TCOF1: variants seen among roughly 807,000 people sequenced by gnomAD.
The protein encoded by TCOF1 is treacle protein.
In TCOF1, 33 loss-of-function variants were observed where a neutral mutation model predicts 149.0. That is an observed-to-expected ratio of 0.22 (90% CI 0.17 to 0.30). TCOF1 has a LOEUF of 0.30. TCOF1 is among the 10% of genes least tolerant of loss of function. The pLI is 1.00. For synonymous variants in TCOF1, 789 were observed against 738.8 expected (o/e 1.07, Z -1.10); for missense variants, 1,728 against 1,840.7 (o/e 0.94, Z 1.12).
chr5:150,379,884 C>T (rs1249340283), intron 17 of TCOF1, 152 bp downstream of exon 17: 1 of 907,452 alleles, frequency 1.1e-6, no homozygotes, highest in Non-Finnish European at 1.8e-6. Context: ...CCAGCCTGGC[C>T]AACATGGTGA....
chr5:150,371,558 G>A (rs746713323), intron 6 of TCOF1, among the ~76,000 whole-genome samples: 2 of 152,174 alleles, frequency 1.3e-5, no homozygotes, highest in South Asian at 2.1e-4. Flanking sequence ...GAAGGAATTT[G>A]CCCAAGGTGT....
At chr5:150,385,617 G>A (rs1240618672) in intron 17 of TCOF1, among the ~76,000 whole-genome samples, 3 of 152,150 alleles carry the variant, frequency 2.0e-5, no homozygotes, top group Non-Finnish European at 2.9e-5. Context: ...GCCAGGGTCC[G>A]CAGCCTAGGC....
At chr5:150,361,339 C>T (rs1431889891) in intron 2 of TCOF1, 128 bp downstream of exon 2, 1 of 1,042,748 alleles carries the variant, frequency 9.6e-7, no homozygotes. Context: ...ATTGTTGCCT[C>T]CAGAAAGCCA....
At chr5:150,389,304 C>A (rs1387141690) in intron 18 of TCOF1, among the ~76,000 whole-genome samples, 5 of 152,190 alleles carry the variant, frequency 3.3e-5, no homozygotes, top group Non-Finnish European at 7.3e-5. Flanking sequence ...ATCTAATGTT[C>A]AGTAACCTTC....
intron 17 of TCOF1, 183 bp downstream of exon 17, chr5:150,379,915 T>G: frequency 1.5e-6 from 1 of 677,026 alleles, no homozygotes; most frequent in East Asian, 3.2e-5. Flanking sequence ...CTACTAAAAA[T>G]ATAAAAATTA....
At chr5:150,396,892 C>T (rs541673018) in intron 24 of TCOF1, 50 bp downstream of exon 24, 31 of 1,552,340 alleles carry the variant, frequency 2.0e-5, no homozygotes, top group South Asian at 1.9e-4. Flanking sequence ...GGGCACCCCA[C>T]GGGGGCGGGA....
In TCOF1 at chr5:150,396,651, C is replaced by G. The variant is rs746357519; in HGVS notation, c.4154C>G (p.Thr1385Arg). Residue 1385 changes from threonine to arginine, a missense_variant, in exon 24 of 27, where the codon ACG (threonine) becomes AGG (arginine). Around this residue, in one of 2 missense-constraint regions of TCOF1, gnomAD observed 1,696 missense variants for 1,765.4 expected, o/e 0.96. Coordinates refer to ENST00000643257, the MANE Select transcript of TCOF1 (RefSeq NM_001371623.1). ...EASVSPEKTS[T>R]TSKGKAKRDK... ...TCTGTTTCCCCAGAAAAGACCTCCA[C>G]GACTTCCAAGGGGAAAGCAAAGAGA... 1 of 1,608,608 alleles carries G rather than the reference C, an allele frequency of 6.2e-7. No homozygotes were observed. Among genetic ancestry groups the G allele is most frequent in the South Asian group, 1.1e-5 (1 of 90,316 alleles).
Position 150,399,058 on chromosome 5 carries a change from G to C in TCOF1, c.*10G>C. On this transcript the variant is annotated 3_prime_UTR_variant, in exon 26 of 27. Coordinates refer to ENST00000643257, the MANE Select transcript of TCOF1 (RefSeq NM_001371623.1). ...AGAGCAGACTGTATGACGAGCACCA[G>C]CACCAGGCACAGGTACGCTTCCCAA... The C allele has an allele frequency of 6.2e-7, 1 of 1,614,240 alleles. No individual in the cohort carries two copies. Among genetic ancestry groups the C allele is most frequent in the Non-Finnish European group, 8.5e-7 (1 of 1,180,046 alleles).
chr5:150,391,484 G>A, intron 19 of TCOF1, 60 bp from the exon 20 acceptor site: 1 of 1,438,904 alleles, frequency 6.9e-7, no homozygotes, highest in East Asian at 2.3e-5. Context: ...TGACCAGGGT[G>A]TGGCACAGCT....
intron 5 of TCOF1, 124 bp from the exon 6 acceptor site, chr5:150,369,405 G>T (rs1379773888): frequency 3.7e-6 from 4 of 1,070,608 alleles, no homozygotes; most frequent in African/African-American, 1.5e-5. Flanking sequence ...TGCATGTGAG[G>T]CACACGAGGG....
chr5:150,379,680 G>A lies in TCOF1; in HGVS notation c.2807G>A (p.Ser936Asn). ...AGKQDDSGSS[S>N]EESDSDGEAP... is the part of the protein sequence containing the mutation. ...AAGCAGGATGACTCAGGGAGCAGCA[G>A]CGAGGAATCAGACAGTGATGGGGAG... The change falls in exon 17 of 27, where the codon AGC becomes AAC. Residue 936 changes from serine to asparagine, a missense_variant. By Grantham distance (46) the Ser-to-Asn change is conservative. Transcript: ENST00000643257. 6.2e-7 allele frequency: 1 copy of A among 1,614,220 alleles called. No homozygotes were observed. The highest frequency in any genetic ancestry group is 8.5e-7 in the Non-Finnish European group (1 of 1,180,044).
intron 14 of TCOF1, among the ~76,000 whole-genome samples, chr5:150,377,158 C>G (rs1306564302): frequency 6.6e-6 from 1 of 152,192 alleles, no homozygotes; most frequent in East Asian, 1.9e-4. Context: ...TGAGAGAGTG[C>G]CTGGCTTGGG....
intron 17 of TCOF1, chr5:150,380,335 A>G (rs1764863188): frequency 6.1e-6 from 1 of 162,972 alleles, no homozygotes; most frequent in Non-Finnish European, 1.4e-5. Flanking sequence ...CCACCAAGGC[A>G]TATGAGACCA....
chr5:150,395,287 C>T (rs1296855202), intron 23 of TCOF1, among the ~76,000 whole-genome samples: 1 of 152,210 alleles, frequency 6.6e-6, no homozygotes, highest in Non-Finnish European at 1.5e-5. Context: ...GCAAACACCT[C>T]CAGGACCAAA....
Position 150,374,999 on chromosome 5 carries a change from C to G in TCOF1, c.1324C>G (p.Pro442Ala). Reference sequence around the variant, plus strand: ...CCCCCAGGTCAGAGCCGCCTCGGCCCCTGCCAAGGAGTCCCCCAGGAAAGG... The same window carrying G: ...CCCCCAGGTCAGAGCCGCCTCGGCCGCTGCCAAGGAGTCCCCCAGGAAAGG... ...KAPQVRAASA[P>A]AKESPRKGAA... The change falls in exon 10 of 27, where the codon CCT (proline) becomes GCT (alanine). Residue 442 changes from proline to alanine, a missense_variant. Pro to Ala is a conservative substitution (Grantham distance 27). This residue lies in a region of TCOF1 where 1,696 missense variants were observed against 1,765.4 expected (regional missense o/e 0.96). Transcript: ENST00000643257. 6.2e-7 allele frequency: 1 copy of G among 1,613,900 alleles called. No individual in the cohort carries two copies. The highest frequency in any genetic ancestry group is 8.5e-7 in the Non-Finnish European group (1 of 1,179,986).
chr5:150,375,484 C>T lies in TCOF1; in HGVS notation c.1634C>T (p.Ser545Leu). The part of the protein sequence containing the change: ...SAQVGKWEED[S>L]ESSSEESSDS... Reference sequence around the variant, plus strand: ...CAGGTGGGGAAGTGGGAGGAGGACTCAGAGAGCAGTAGTGAGGAGTCATCA... The same window carrying T: ...CAGGTGGGGAAGTGGGAGGAGGACTTAGAGAGCAGTAGTGAGGAGTCATCA... Residue 545 changes from serine (S) to leucine (L), a missense_variant, in exon 11 of 27, where the codon TCA becomes TTA. By Grantham distance (145) the Ser-to-Leu change is moderately radical. This residue lies in a region of TCOF1 where 1,696 missense variants were observed against 1,765.4 expected (regional missense o/e 0.96). Transcript: ENST00000643257. The T allele has an allele frequency of 6.2e-7, 1 of 1,614,158 alleles. No individual in the cohort carries two copies.
intron 7 of TCOF1, among the ~76,000 whole-genome samples, chr5:150,372,602 TG>T (rs1762792711): frequency 6.6e-6 from 1 of 151,682 alleles, no homozygotes; most frequent in Non-Finnish European, 1.5e-5. Context: ...CTGCTGGGAG[TG>T]GGCAGGGCTG....
intron 18 of TCOF1, among the ~76,000 whole-genome samples, chr5:150,389,677 G>A (rs1767016098): frequency 6.6e-6 from 1 of 152,264 alleles, no homozygotes. Flanking sequence ...CCCCAGAGCA[G>A]CCATTTGAGC....
intron 20 of TCOF1, 110 bp from the exon 21 acceptor site, chr5:150,391,847 C>T: frequency 8.4e-7 from 1 of 1,190,944 alleles, no homozygotes; most frequent in Non-Finnish European, 1.2e-6. Context: ...AATGAGGCTG[C>T]ATGTGTGCCC....
Sources: allele counts gnomAD v4.1 joint callset (sites outside exome capture counted in the v4.1 genomes callset), GRCh38; gene constraint gnomAD v4.1.1; regional missense constraint gnomAD v4.1.1; transcripts MANE v1.5; gene names NCBI Gene and HGNC (gene_info 2026-07-23, HGNC 2026-07-21).